Variants in SLC44A5 observed in about 807,000 individuals in gnomAD.
The protein encoded by SLC44A5 is choline transporter-like protein 5.
In SLC44A5, 57 loss-of-function variants were observed where a neutral mutation model predicts 101.8. That is an observed-to-expected ratio of 0.56 (90% CI 0.45 to 0.70). The LOEUF (loss-of-function observed/expected upper bound fraction) is 0.70. Ranked by LOEUF, SLC44A5 falls within the 30% of genes least tolerant of loss-of-function variation. The pLI, the probability that SLC44A5 is intolerant of heterozygous loss-of-function variation, is 0.00. For missense variants in SLC44A5, 737 were observed against 853.1 expected (o/e 0.86, Z 1.70); for synonymous variants, 281 against 290.9 (o/e 0.97, Z 0.35).
chr1:75,324,392 T>C (rs778156104), intron 4 of SLC44A5, among the ~76,000 whole-genome samples: 62 of 152,180 alleles, frequency 4.1e-4, no homozygotes, highest in Non-Finnish European at 7.3e-4. Flanking sequence ...GAAAGTTCTA[T>C]TAAGTATTGC....
chr1:75,565,423 T>C (rs1258271819), intron 1 of SLC44A5, among the ~76,000 whole-genome samples: 2 of 152,224 alleles, frequency 1.3e-5, no homozygotes, highest in Non-Finnish European at 2.9e-5. Flanking sequence ...CACAAAGTTA[T>C]AACAGCAGCA....
intron 2 of SLC44A5, among the ~76,000 whole-genome samples, chr1:75,509,403 G>A (rs1020208254): frequency 6.6e-6 from 1 of 152,138 alleles, no homozygotes; most frequent in African/African-American, 2.4e-5. Flanking sequence ...GACTCAATAT[G>A]TTTGCCCACA....
At chr1:75,560,489 A>G (rs982705143) in intron 1 of SLC44A5, among the ~76,000 whole-genome samples, 2 of 152,166 alleles carry the variant, frequency 1.3e-5, no homozygotes, top group Admixed American at 6.6e-5. Flanking sequence ...GGGAGACAAA[A>G]TCTTCTAAAA....
At chr1:75,571,786 C>A (rs1673088683) in intron 1 of SLC44A5, among the ~76,000 whole-genome samples, 1 of 151,764 alleles carries the variant, frequency 6.6e-6, no homozygotes, top group Non-Finnish European at 1.5e-5. Context: ...GGACATAACT[C>A]CACTAAGTTA....
intron 3 of SLC44A5, among the ~76,000 whole-genome samples, chr1:75,363,854 C>G (rs529237052): frequency 1.3e-5 from 2 of 152,230 alleles, no homozygotes; most frequent in South Asian, 4.1e-4. Flanking sequence ...ATTAAGAAGG[C>G]TTAGTGGTGA....
At chr1:75,239,320 T>C (rs1485832883) in intron 9 of SLC44A5, among the ~76,000 whole-genome samples, 2 of 152,096 alleles carry the variant, frequency 1.3e-5, no homozygotes. Context: ...TTTGCCTCTT[T>C]ACACATTTAT....
rs115055086 is a variant in SLC44A5 at position 75,361,283 on chromosome 1, A to G, written c.53-21653T>C. On this transcript the variant is annotated intron_variant, in intron 3 of 23. Transcript: ENST00000370859. Reference sequence around the variant, plus strand: ...AGACAATTTCACGTCTTCTTTTCCTATTAGGATGCCTTTTATTTCTTTCTG... The same window carrying G: ...AGACAATTTCACGTCTTCTTTTCCTGTTAGGATGCCTTTTATTTCTTTCTG... Among the ~76,000 whole-genome samples the G allele has an allele frequency of 1.6e-3, 246 of 152,112 alleles. 1 individual carries two copies. The highest frequency in any genetic ancestry group is 2.8e-3 in the Non-Finnish European group (187 of 67,928).
intron 1 of SLC44A5, among the ~76,000 whole-genome samples, chr1:75,545,310 A>G (rs1671586411): frequency 6.6e-6 from 1 of 152,210 alleles, no homozygotes; most frequent in Admixed American, 6.5e-5. Flanking sequence ...TAGTGCCACA[A>G]TAAACATACG....
At chr1:75,284,572 T>C (rs1266491868) in intron 5 of SLC44A5, among the ~76,000 whole-genome samples, 1 of 152,102 alleles carries the variant, frequency 6.6e-6, no homozygotes, top group Admixed American at 6.6e-5. Context: ...AAAGCAAGCA[T>C]CCTTGTCTTG....
intron 1 of SLC44A5, among the ~76,000 whole-genome samples, chr1:75,595,272 T>C (rs1674569973): frequency 6.6e-6 from 1 of 152,120 alleles, no homozygotes; most frequent in African/African-American, 2.4e-5. Context: ...AGACTTTGCC[T>C]AAGGGCAGCT....
intron 7 of SLC44A5, among the ~76,000 whole-genome samples, chr1:75,248,947 T>C (rs1265489425): frequency 6.6e-6 from 1 of 152,102 alleles, no homozygotes; most frequent in Non-Finnish European, 1.5e-5. Flanking sequence ...CTGAGGGAGC[T>C]GAGCAATACT....
At chr1:75,223,832 G>A (rs959090198) in intron 13 of SLC44A5, among the ~76,000 whole-genome samples, 2 of 152,038 alleles carry the variant, frequency 1.3e-5, no homozygotes, top group African/African-American at 4.8e-5. Flanking sequence ...ATGTTTTCAT[G>A]TACATTTTAT....
intron 3 of SLC44A5, among the ~76,000 whole-genome samples, chr1:75,393,934 A>T (rs979746189): frequency 3.9e-5 from 6 of 152,182 alleles, no homozygotes; most frequent in African/African-American, 1.4e-4. Flanking sequence ...TTGGTGGGGT[A>T]TAAAGTCAAA....
At chr1:75,455,175 T>G (rs1666119172) in intron 2 of SLC44A5, among the ~76,000 whole-genome samples, 1 of 151,866 alleles carries the variant, frequency 6.6e-6, no homozygotes, top group South Asian at 2.1e-4. Flanking sequence ...GACACATGGA[T>G]CAATAGAACA....
At chr1:75,716,528 A>G in the SLC44A5 span, among the ~76,000 whole-genome samples, 3 of 152,206 alleles carry the variant, frequency 2.0e-5, no homozygotes, top group Non-Finnish European at 4.4e-5. Context: ...TGGCAATGTA[A>G]ATTAGTTCAG....
intron 23 of SLC44A5, 73 bp downstream of exon 23, chr1:75,211,395 A>G: frequency 2.5e-6 from 3 of 1,181,154 alleles, no homozygotes. Context: ...AAGCCAGCTA[A>G]GGACATGGGC....
chr1:75,388,252 T>C lies in SLC44A5; in HGVS notation c.52+8331A>G, dbSNP rs1352638281. On this transcript the variant is annotated intron_variant, in intron 3 of 23. Coordinates refer to ENST00000370859, the MANE Select transcript of SLC44A5 (RefSeq NM_001130058.2). ...TAAATAAATCCAAAAAAAAACAGTA[T>C]TAAAAAAAAAAAAAGAAAATTCATT... Among the ~76,000 whole-genome samples, 4 of 128,758 alleles carry C rather than the reference T, an allele frequency of 3.1e-5. No individual in the cohort carries two copies. The South Asian group carries it at 7.4e-4, about 24-fold the overall frequency. The allele number at this position is 128,758 out of a possible 152,430, so 84.5% of individuals were successfully genotyped here.
intron 5 of SLC44A5, among the ~76,000 whole-genome samples, chr1:75,292,739 A>G (rs1653662203): frequency 6.6e-6 from 1 of 152,210 alleles, no homozygotes; most frequent in South Asian, 2.1e-4. Flanking sequence ...TTTAAGCCCA[A>G]CTCAGTGTGG....
chr1:75,301,218 C>G (rs1654427031), intron 4 of SLC44A5, among the ~76,000 whole-genome samples: 1 of 152,062 alleles, frequency 6.6e-6, no homozygotes, highest in South Asian at 2.1e-4. Flanking sequence ...TAAAATGCCT[C>G]AAAAGTATAA....
Sources: allele counts gnomAD v4.1 joint callset (sites outside exome capture counted in the v4.1 genomes callset), GRCh38; gene constraint gnomAD v4.1.1; transcripts MANE v1.5; gene names NCBI Gene and HGNC (gene_info 2026-07-23, HGNC 2026-07-21).